The following PTCHD4 variants were observed in gnomAD, a reference collection of about 807,000 sequenced individuals.
PTCHD4 encodes patched domain containing 4, also known as patched domain-containing protein 4.
A neutral mutation model predicts 58.1 loss-of-function variants in PTCHD4; 33 were observed. The ratio of observed to expected loss-of-function variants is 0.57; its 90% CI spans 0.43 to 0.76. The LOEUF is 0.76. PTCHD4 is among the 30% of genes least tolerant of loss of function. PTCHD4 has a pLI of 0.00. For synonymous variants in PTCHD4, 478 were observed against 409.6 expected (o/e 1.17, Z -2.02); for missense variants, 1,058 against 1,027.1 (o/e 1.03, Z -0.41).
chr6:47,985,818 T>A (rs1412071406), intron 4 of PTCHD4, among the ~76,000 whole-genome samples: 3 of 152,000 alleles, frequency 2.0e-5, no homozygotes, highest in Non-Finnish European at 2.9e-5. Context: ...GATCTTATAT[T>A]GAAGTAAATT....
chr6:47,914,712 C>CTCTCTG (rs1765179026), intron 4 of PTCHD4, among the ~76,000 whole-genome samples: 6 of 77,866 alleles, frequency 7.7e-5, no homozygotes, highest in African/African-American at 2.1e-4. Flanking sequence ...CTGTCTGTCT[C>CTCTCTG]TCTGTCTGTC....
chr6:47,957,761 C>T (rs575739691), intron 4 of PTCHD4, among the ~76,000 whole-genome samples: 26 of 151,422 alleles, frequency 1.7e-4, no homozygotes, highest in Non-Finnish European at 3.1e-4. Context: ...CCACCATGCC[C>T]GGCTAATTTT....
chr6:47,934,121 T>C (rs1188608971), intron 4 of PTCHD4, among the ~76,000 whole-genome samples: 1 of 151,718 alleles, frequency 6.6e-6, no homozygotes, highest in East Asian at 1.9e-4. Flanking sequence ...TGGGAGGGGG[T>C]CCCAGGCGAA....
At position 47,869,465 on chromosome 6, in the gene PTCHD4, C is replaced by A. The variant is rs1224289954; in HGVS notation, c.*8838G>T. Among the ~76,000 whole-genome samples, 1 of 151,530 alleles carries A rather than the reference C, an allele frequency of 6.6e-6. No individual in the cohort carries two copies. The highest frequency in any genetic ancestry group is 1.5e-5 in the Non-Finnish European group (1 of 67,746). On this transcript the variant is annotated 3_prime_UTR_variant, in exon 5 of 5. Transcript: ENST00000339488. ...TAAATTTTAGGTAGAATTTATTTGA[C>A]CCGATTATAAATTGCTGTAGATTTG...
At chr6:47,904,512 C>A (rs1454438581) in intron 4 of PTCHD4, among the ~76,000 whole-genome samples, 1 of 152,144 alleles carries the variant, frequency 6.6e-6, no homozygotes, top group Admixed American at 6.5e-5. Context: ...GTATCTGGCT[C>A]TTCACAGAAA....
intron 4 of PTCHD4, among the ~76,000 whole-genome samples, chr6:47,957,767 AT>A (rs544837844): frequency 6.9e-4 from 101 of 147,198 alleles, no homozygotes; most frequent in Non-Finnish European, 9.2e-4. Context: ...TGCCCGGCTA[AT>A]TTTTTTTTTG....
intron 1 of PTCHD4, among the ~76,000 whole-genome samples, chr6:48,109,462 T>C (rs1765815609): frequency 6.6e-6 from 1 of 152,136 alleles, no homozygotes; most frequent in African/African-American, 2.4e-5. Context: ...CCTGGAACTA[T>C]GAAATTCCTG....
chr6:47,979,589 C>T (rs934027360), intron 4 of PTCHD4, among the ~76,000 whole-genome samples: 1 of 151,936 alleles, frequency 6.6e-6, no homozygotes, highest in African/African-American at 2.4e-5. Context: ...AAATTAAGCT[C>T]TTAAATGACA....
intron 4 of PTCHD4, chr6:47,901,140 G>C (rs1452439433): frequency 7.0e-6 from 1 of 143,110 alleles, no homozygotes. Flanking sequence ...CGGCCTGGGC[G>C]ACAGAGCAAG....
At position 48,009,027 on chromosome 6, in the gene PTCHD4, C is replaced by G; in HGVS notation, c.505G>C (p.Ala169Pro). The change falls in exon 4 of 5, where the codon GCC becomes CCC. Residue 169 changes from alanine to proline, a missense_variant. By Grantham distance (27) the Ala-to-Pro change is conservative. Transcript: ENST00000339488. ...TGGAGGTAGTAGGTGATTTGAATGG[C>G]TCTGGCTGACTTGACCCGCTGATCT... ...SKDQRVKSAR[A>P]IQITYYLQTY... The G allele has an allele frequency of 6.2e-7, 1 of 1,613,922 alleles. No homozygotes were observed. Among genetic ancestry groups the G allele is most frequent in the East Asian group, 2.2e-5 (1 of 44,878 alleles).
intron 3 of PTCHD4, among the ~76,000 whole-genome samples, chr6:48,033,489 C>T (rs188586402): frequency 6.8e-4 from 103 of 151,538 alleles, no homozygotes; most frequent in African/African-American, 2.4e-3. Flanking sequence ...TGAGACCGGC[C>T]TTCCCCTTTT....
At chr6:47,998,156 G>A (rs1004728193) in intron 4 of PTCHD4, among the ~76,000 whole-genome samples, 8 of 152,116 alleles carry the variant, frequency 5.3e-5, no homozygotes, top group African/African-American at 1.7e-4. Context: ...TGACATGACA[G>A]TAAAGTGGAC....
At chr6:48,051,652 T>G (rs1372280806) in intron 3 of PTCHD4, among the ~76,000 whole-genome samples, 1 of 152,026 alleles carries the variant, frequency 6.6e-6, no homozygotes, top group Non-Finnish European at 1.5e-5. Flanking sequence ...TATAGCATTA[T>G]TGGGATTTTA....
intron 1 of PTCHD4, among the ~76,000 whole-genome samples, chr6:48,089,176 A>G (rs968432605): frequency 6.6e-6 from 1 of 152,204 alleles, no homozygotes. Context: ...AGAAATTTCC[A>G]AAAGACTAAT....
At chr6:47,891,853 C>T (rs180929503) in intron 4 of PTCHD4, among the ~76,000 whole-genome samples, 123 of 152,040 alleles carry the variant, frequency 8.1e-4, no homozygotes, top group African/African-American at 2.8e-3. Context: ...TATTTTATAA[C>T]AAATATTTTT....
In PTCHD4 at chr6:47,863,603, A is replaced by G. The variant is rs150467523; in HGVS notation, c.*14700T>C. 3.6e-4 allele frequency among the ~76,000 whole-genome samples: 55 copies of G among 152,108 alleles called. No individual in the cohort carries two copies. The highest frequency in any genetic ancestry group is 1.3e-3 in the African/African-American group (53 of 41,556). ...CAAATATTGCATGAAACATACTTGT[A>G]CTAAAAATTTCATTCACTGATTATT... On this transcript the variant is annotated 3_prime_UTR_variant, in exon 5 of 5. Coordinates refer to ENST00000339488, the MANE Select transcript of PTCHD4 (RefSeq NM_001384253.1).
chr6:47,975,914 A>G (rs1223018025), intron 4 of PTCHD4, among the ~76,000 whole-genome samples: 1 of 152,214 alleles, frequency 6.6e-6, no homozygotes, highest in Non-Finnish European at 1.5e-5. Context: ...TGTTCCACTT[A>G]TCTATGCTTT....
chr6:47,950,841 AG>A (rs1766618316), intron 4 of PTCHD4, among the ~76,000 whole-genome samples: 1 of 152,154 alleles, frequency 6.6e-6, no homozygotes, highest in South Asian at 2.1e-4. Flanking sequence ...AACCATAAAA[AG>A]GGGATAAGAA....
chr6:47,930,325 T>A (rs954506889), intron 4 of PTCHD4, among the ~76,000 whole-genome samples: 1 of 152,176 alleles, frequency 6.6e-6, no homozygotes, highest in Admixed American at 6.5e-5. Flanking sequence ...GATGAAAATT[T>A]CGTTTTGTAT....
Sources: allele counts gnomAD v4.1 joint callset (sites outside exome capture counted in the v4.1 genomes callset), GRCh38; gene constraint gnomAD v4.1.1; transcripts MANE v1.5; gene names NCBI Gene and HGNC (gene_info 2026-07-23, HGNC 2026-07-21).